The following NAV2 variants were observed in gnomAD, a reference collection of about 807,000 sequenced individuals.
NAV2 encodes helicase, APC down-regulated 1.
Under a neutral mutation model 223.2 loss-of-function variants are expected in NAV2, and 54 were observed. The ratio of observed to expected loss-of-function variants is 0.24; its 90% CI spans 0.19 to 0.30. The LOEUF is 0.30. Ranked by LOEUF, NAV2 falls within the 10% of genes least tolerant of loss-of-function variation. The pLI is 1.00. For missense variants in NAV2, 2,806 were observed against 3,147.5 expected, an observed-to-expected ratio of 0.89 and a Z score of 2.60; for synonymous variants, 1,279 against 1,239.3, an observed-to-expected ratio of 1.03 and a Z score of -0.67.
rs369895690 is a variant in NAV2 at position 20,106,155 on chromosome 11, G to GTGTGTATATATA, written c.6841+429_6841+430insGTGTATATATAT. On this transcript the variant is annotated intron_variant, in intron 35 of 37. Transcript: ENST00000349880. The stretch of plus-strand genomic sequence containing the variant: ...TGTCCTTGTTCATATGTGTGTGTGT[G>GTGTGTATATATA]TATATATATATATATATATATGTGT... Among the ~76,000 whole-genome samples the GTGTGTATATATA allele has an allele frequency of 2.0e-3, 62 of 31,494 alleles. 3 individuals are homozygous for GTGTGTATATATA. Among genetic ancestry groups the GTGTGTATATATA allele is most frequent in the African/African-American group, 3.5e-3 (53 of 15,202 alleles). The allele number at this position is 31,494 out of a possible 152,430, so 20.7% of individuals were successfully genotyped here. A position where few individuals can be genotyped will look rare whatever the true frequency, so the allele number is the denominator to read the frequency against.
At chr11:19,630,439 A>G (rs2047310403) in intron 1 of NAV2, among the ~76,000 whole-genome samples, 1 of 152,156 alleles carries the variant, frequency 6.6e-6, no homozygotes, top group Non-Finnish European at 1.5e-5. Context: ...CTGGATTCCG[A>G]GGAACCCTAG....
intron 1 of NAV2, among the ~76,000 whole-genome samples, chr11:19,537,237 A>G (rs1269481801): frequency 6.6e-6 from 1 of 152,100 alleles, no homozygotes; most frequent in Non-Finnish European, 1.5e-5. Context: ...ACTTTTCTAG[A>G]GCTATCCAGC....
chr11:19,383,642 C>A (rs1848928493), intron 1 of NAV2, among the ~76,000 whole-genome samples: 1 of 152,206 alleles, frequency 6.6e-6, no homozygotes, highest in Non-Finnish European at 1.5e-5. Flanking sequence ...GTTACCATTT[C>A]ATGACTGTGT....
upstream of NAV2, among the ~76,000 whole-genome samples, chr11:19,346,440 G>A (rs1244677067): frequency 6.6e-6 from 1 of 152,192 alleles, no homozygotes; most frequent in Non-Finnish European, 1.5e-5. Flanking sequence ...GCGGGCGGCG[G>A]GCTAGGGCGC....
intron 6 of NAV2, among the ~76,000 whole-genome samples, chr11:19,932,897 C>T (rs2045515246): frequency 2.0e-5 from 3 of 152,192 alleles, no homozygotes; most frequent in African/African-American, 7.2e-5. Flanking sequence ...ATTAACGGTG[C>T]AGGTGTCTGT....
chr11:19,709,712 G>A (rs985314374), upstream of NAV2, among the ~76,000 whole-genome samples: 7 of 152,096 alleles, frequency 4.6e-5, no homozygotes, highest in East Asian at 1.9e-4. Flanking sequence ...GCATGCGCCT[G>A]TAATCCCAGC....
chr11:19,838,174 C>T (rs768352098), intron 2 of NAV2, among the ~76,000 whole-genome samples: 2 of 152,130 alleles, frequency 1.3e-5, no homozygotes, highest in Non-Finnish European at 2.9e-5. Context: ...TAAATGAAGG[C>T]CTATCAAAAT....
intron 1 of NAV2, chr11:19,505,264 T>A (rs1309582168): frequency 1.3e-5 from 2 of 152,230 alleles, no homozygotes; most frequent in African/African-American, 4.8e-5. Flanking sequence ...GGACATTCTC[T>A]GTAGCTCCTG....
At chr11:19,732,262 A>AC (rs1491382375) in intron 1 of NAV2, among the ~76,000 whole-genome samples, 2 of 90,172 alleles carry the variant, frequency 2.2e-5, no homozygotes, top group Non-Finnish European at 4.4e-5. Flanking sequence ...CCGTCTCAAG[A>AC]AAAAAAAAAA....
intron 14 of NAV2, among the ~76,000 whole-genome samples, chr11:20,046,623 C>CACACACACACAA (rs2057469272): frequency 6.6e-6 from 1 of 151,380 alleles, no homozygotes; most frequent in African/African-American, 2.4e-5. Context: ...CACACACACA[C>CACACACACACAA]AAACCTCTTA....
At chr11:19,937,448 T>G (rs1056821068) in intron 7 of NAV2, among the ~76,000 whole-genome samples, 6 of 151,904 alleles carry the variant, frequency 3.9e-5, no homozygotes, top group African/African-American at 1.4e-4. Flanking sequence ...GAATGAATTA[T>G]ATTTATCAAT....
chr11:19,452,344 A>G (rs761392363), intron 1 of NAV2, among the ~76,000 whole-genome samples: 1 of 152,202 alleles, frequency 6.6e-6, no homozygotes, highest in African/African-American at 2.4e-5. Context: ...TGAGGAAGAT[A>G]AAGACACAGC....
chr11:19,934,040 C>G lies in NAV2; in HGVS notation c.1796C>G (p.Pro599Arg). ...AGTGGGAAGCTGAGCTCAGGACTCC[C>G]CCAGCAGAAGCCCCAGCTGGACGGC... Reference protein sequence around the residue: ...SRSGKLSSGLPQQKPQLDGRH... With the variant: ...SRSGKLSSGLRQQKPQLDGRH... Residue 599 changes from proline to arginine, a missense_variant, in exon 7 of 38, where the codon CCC becomes CGC. Physicochemically the swap from Pro to Arg is moderately radical, Grantham distance 103. This residue lies in a region of NAV2 where 1,167 missense variants were observed against 1,180.5 expected (regional missense o/e 0.99). Transcript: ENST00000349880. The G allele has an allele frequency of 1.9e-6, 3 of 1,601,364 alleles. No individual in the cohort carries two copies. Among genetic ancestry groups the G allele is most frequent in the Non-Finnish European group, 2.6e-6 (3 of 1,173,870 alleles).
chr11:19,951,611 C>G (rs1481949531), intron 10 of NAV2, among the ~76,000 whole-genome samples: 1 of 152,034 alleles, frequency 6.6e-6, no homozygotes, highest in East Asian at 1.9e-4. Context: ...ACCAGTCTTT[C>G]AATTCTAAAA....
At chr11:19,377,209 G>A (rs1590079087) in intron 1 of NAV2, among the ~76,000 whole-genome samples, 1 of 152,168 alleles carries the variant, frequency 6.6e-6, no homozygotes, top group South Asian at 2.1e-4. Flanking sequence ...CAAGGAAGCA[G>A]CAAGAATAGG....
intron 1 of NAV2, among the ~76,000 whole-genome samples, chr11:19,564,621 C>T (rs1434065320): frequency 6.7e-6 from 1 of 150,044 alleles, no homozygotes; most frequent in Non-Finnish European, 1.5e-5. Flanking sequence ...GGCTGAGGGG[C>T]GGGGCGGGGC....
At chr11:19,992,828 C>T (rs1318085229) in intron 11 of NAV2, among the ~76,000 whole-genome samples, 10 of 152,086 alleles carry the variant, frequency 6.6e-5, no homozygotes, top group South Asian at 2.1e-4. Context: ...TCCTGATCTC[C>T]GGTGATCCAC....
intron 1 of NAV2, among the ~76,000 whole-genome samples, chr11:19,689,243 T>A (rs1252415336): frequency 6.6e-6 from 1 of 151,856 alleles, no homozygotes; most frequent in African/African-American, 2.4e-5. Context: ...CAGCCAGAGG[T>A]GGAAAATCTG....
upstream of NAV2, chr11:19,711,802 A>G (rs1037347897): frequency 6.6e-6 from 1 of 152,226 alleles, no homozygotes; most frequent in Non-Finnish European, 1.5e-5. Context: ...AATGACTGCC[A>G]TGCACCAACC....
Sources: allele counts gnomAD v4.1 joint callset (sites outside exome capture counted in the v4.1 genomes callset), GRCh38; gene constraint gnomAD v4.1.1; regional missense constraint gnomAD v4.1.1; transcripts MANE v1.5; gene names NCBI Gene and HGNC (gene_info 2026-07-23, HGNC 2026-07-21).